SLC6A16: variants seen among roughly 807,000 people sequenced by gnomAD.
The protein encoded by SLC6A16 is orphan sodium- and chloride-dependent neurotransmitter transporter NTT5.
In SLC6A16, 54 loss-of-function variants were observed where a neutral mutation model predicts 65.4. The ratio of observed to expected loss-of-function variants is 0.83; its 90% CI spans 0.66 to 1.04. The LOEUF is 1.04. Ranked by LOEUF, SLC6A16 falls within the 50% of genes least tolerant of loss-of-function variation. The pLI is 0.00. For missense variants in SLC6A16, 816 were observed against 914.0 expected (o/e 0.89, Z 1.38); for synonymous variants, 330 against 346.5 (o/e 0.95, Z 0.53).
At chr19:49,290,518 T>C (rs1470473576) in intron 11 of SLC6A16, 87 bp downstream of exon 11, 2 of 1,562,452 alleles carry the variant, frequency 1.3e-6, no homozygotes, top group Admixed American at 1.7e-5. Flanking sequence ...AGTAAGAGAA[T>C]GAGATGACTG....
chr19:49,320,636 A>T (rs1970695748), intron 1 of SLC6A16, among the ~76,000 whole-genome samples: 1 of 152,190 alleles, frequency 6.6e-6, no homozygotes, highest in Non-Finnish European at 1.5e-5. Flanking sequence ...CTAAGAAAAA[A>T]AGAGAAGACT....
the SLC6A16 span, chr19:49,340,103 A>G: frequency 6.5e-7 from 1 of 1,535,394 alleles, no homozygotes; most frequent in African/African-American, 1.4e-5. Context: ...GTTCCCGTCG[A>G]GCCCCGCCCT....
chr19:49,323,945 G>T (rs1365283978), intron 1 of SLC6A16, among the ~76,000 whole-genome samples: 2 of 152,278 alleles, frequency 1.3e-5, no homozygotes, highest in East Asian at 1.9e-4. Flanking sequence ...TGGAAGGATT[G>T]CTTGAGCCCA....
the SLC6A16 span, chr19:49,338,774 G>A: frequency 6.2e-7 from 1 of 1,613,612 alleles, no homozygotes; most frequent in Non-Finnish European, 8.5e-7. This position sits in a 1 kb window ranked among gnomAD's most constrained non-coding sequence, Gnocchi z 5.0. Context: ...GGTCGGAGGC[G>A]CACCGCGTGC....
Position 49,292,224 on chromosome 19 carries a change from G to A in SLC6A16, c.1778+999C>T, listed in dbSNP as rs952901985. Among the ~76,000 whole-genome samples the A allele has an allele frequency of 3.3e-5, 5 of 152,032 alleles. No homozygotes were observed. Among genetic ancestry groups the A allele is most frequent in the African/African-American group, 7.2e-5 (3 of 41,392 alleles). ...TCTACTAAGAATACAAAAATTAGCC[G>A]GGCGTGGTGGTGAATGCCTGTAATC... On this transcript the variant is annotated intron_variant, in intron 10 of 11. Transcript: ENST00000335875. The surrounding 1 kb of genome is among the most constrained non-coding windows in gnomAD (Gnocchi z 4.3).
At chr19:49,290,821 A>G in intron 10 of SLC6A16, 54 bp from the exon 11 acceptor site, 7 of 1,472,396 alleles carry the variant, frequency 4.8e-6, no homozygotes, top group Non-Finnish European at 5.5e-6. Flanking sequence ...ACCACCTTGG[A>G]GGCAGGGCCA....
chr19:49,326,531 G>A (rs1351222410), upstream of SLC6A16, among the ~76,000 whole-genome samples: 1 of 152,200 alleles, frequency 6.6e-6, no homozygotes, highest in East Asian at 1.9e-4. Context: ...TGGGGGTGCT[G>A]TAAGAATTCA....
intron 7 of SLC6A16, among the ~76,000 whole-genome samples, chr19:49,295,638 T>A (rs923428411): frequency 6.6e-6 from 1 of 152,230 alleles, no homozygotes; most frequent in African/African-American, 2.4e-5. Context: ...CAGGCAAACA[T>A]TGAAGTACAG....
At chr19:49,325,877 T>G (rs1970790035), upstream of SLC6A16, among the ~76,000 whole-genome samples, 1 of 152,094 alleles carries the variant, frequency 6.6e-6, no homozygotes, top group Non-Finnish European at 1.5e-5. Flanking sequence ...CAAAAGAAAT[T>G]TTGGCGCTGG....
intron 7 of SLC6A16, among the ~76,000 whole-genome samples, chr19:49,303,622 T>C (rs1467097661): frequency 6.8e-6 from 1 of 146,090 alleles, no homozygotes; most frequent in East Asian, 2.0e-4. Flanking sequence ...GCCACTGCAC[T>C]CCAGCCTGAG....
chr19:49,317,582 G>A (rs886205882), intron 1 of SLC6A16, among the ~76,000 whole-genome samples: 7 of 151,648 alleles, frequency 4.6e-5, no homozygotes, highest in African/African-American at 1.2e-4. Context: ...CGAGGCGGGC[G>A]GACCACGAGG....
rs757719908 is a variant in SLC6A16 at position 49,310,077 on chromosome 19, C to T, written c.663G>A (p.Trp221Ter). 1.2e-6 allele frequency: 2 copies of T among 1,614,110 alleles called. No individual in the cohort carries two copies. Among genetic ancestry groups the T allele is most frequent in the Non-Finnish European group, 1.7e-6 (2 of 1,180,034 alleles). ...AGTTCATCGTTAAGGGACATTTCTC[C>T]CATGGAACGGGAAACTGGAAGGACT... ...MSQSFQFPVP[W>*]EKCPLTMNSS... Residue 221 changes from tryptophan to a stop codon, truncating the protein, a stop_gained, in exon 4 of 12, where the codon TGG becomes TGA. Coordinates refer to ENST00000335875, the MANE Select transcript of SLC6A16 (RefSeq NM_014037.3). LOFTEE classifies it high-confidence loss of function.
At chr19:49,339,375 T>TCC in the SLC6A16 span, 1 of 1,614,014 alleles carries the variant, frequency 6.2e-7, no homozygotes, top group South Asian at 1.1e-5. The surrounding 1 kb of genome is among the most constrained non-coding windows in gnomAD (Gnocchi z 4.5). Flanking sequence ...CAACCTTATT[T>TCC]CCATAGTGGG....
intron 7 of SLC6A16, among the ~76,000 whole-genome samples, chr19:49,296,242 C>T (rs1181684070): frequency 6.6e-6 from 1 of 152,206 alleles, no homozygotes; most frequent in African/African-American, 2.4e-5. Context: ...CCGCCTCAGC[C>T]TCCCAAAGTG....
chr19:49,327,330 C>T (rs956305669), upstream of SLC6A16, among the ~76,000 whole-genome samples: 2 of 152,222 alleles, frequency 1.3e-5, no homozygotes, highest in Admixed American at 6.5e-5. Context: ...TCAGGTGATC[C>T]GCCCGCCTCA....
At chr19:49,337,092 G>A in the SLC6A16 span, 1 of 1,614,038 alleles carries the variant, frequency 6.2e-7, no homozygotes, top group Non-Finnish European at 8.5e-7. Context: ...CTCAAAAATG[G>A]CCTGGGCCGG....
At position 49,290,122 on chromosome 19, in the gene SLC6A16, G is replaced by A; in HGVS notation, c.*1C>T. 1 of 1,613,270 alleles carries A rather than the reference G, an allele frequency of 6.2e-7. No individual in the cohort carries two copies. The highest frequency in any genetic ancestry group is 8.5e-7 in the Non-Finnish European group (1 of 1,179,628). ...TGTTATGTGAAGCCAAATTAATGAAGTTAGGAAGTCACATTACAAGTTGAT... is the reference window on the plus strand; with the variant it reads ...TGTTATGTGAAGCCAAATTAATGAAATTAGGAAGTCACATTACAAGTTGAT... On this transcript the variant is annotated 3_prime_UTR_variant, in exon 12 of 12. Coordinates refer to ENST00000335875, the MANE Select transcript of SLC6A16 (RefSeq NM_014037.3).
chr19:49,311,611 G>A (rs1008938990), intron 1 of SLC6A16, among the ~76,000 whole-genome samples, 200 bp from the exon 2 acceptor site: 4 of 152,058 alleles, frequency 2.6e-5, no homozygotes, highest in African/African-American at 7.2e-5. Flanking sequence ...CACTTTGGGA[G>A]GCCGAGGAAG....
At chr19:49,318,300 G>A (rs949924264) in intron 1 of SLC6A16, among the ~76,000 whole-genome samples, 4 of 151,936 alleles carry the variant, frequency 2.6e-5, no homozygotes, top group Admixed American at 2.6e-4. Flanking sequence ...TGAATACTTG[G>A]AACATTTAAA....
Sources: allele counts gnomAD v4.1 joint callset (sites outside exome capture counted in the v4.1 genomes callset), GRCh38; gene constraint gnomAD v4.1.1; non-coding constraint Gnocchi (gnomAD v3.1); transcripts MANE v1.5; gene names NCBI Gene and HGNC (gene_info 2026-07-23, HGNC 2026-07-21).